The following PLD1 variants were observed in gnomAD, a reference collection of about 807,000 sequenced individuals.
PLD1 encodes the protein choline phosphatase 1.
Under a neutral mutation model 137.1 loss-of-function variants are expected in PLD1, and 112 were observed. That is an observed-to-expected ratio of 0.82 (90% CI 0.70 to 0.96). The LOEUF is 0.96. Among genes scored for constraint, PLD1 ranks in the 40% least tolerant of loss-of-function variants. The probability of loss-of-function intolerance (pLI) is 0.00; values close to 1 mark genes in which losing one functional copy is unlikely to be tolerated. For synonymous variants in PLD1, 431 were observed against 454.7 expected (o/e 0.95, Z 0.66); for missense variants, 1,321 against 1,342.0 (o/e 0.98, Z 0.24).
rs769597328 is a variant in PLD1, at chr3:171,724,785, T to C, written c.669A>G (p.Glu223=). The C allele has an allele frequency of 6.3e-7, 1 of 1,596,818 alleles. No individual in the cohort carries two copies. The highest frequency in any genetic ancestry group is 8.6e-7 in the Non-Finnish European group (1 of 1,166,624). Residue 223 remains glutamate (E), a synonymous_variant, in exon 8 of 27, where the codon GAA becomes GAG. Coordinates refer to ENST00000351298, the MANE Select transcript of PLD1 (RefSeq NM_002662.5). The part of the protein sequence containing the change: ...FIHDLGPKGI[E]GMIMKRSGGH... ...CTCCAGATCTTTTCATTATCATACC[T>C]TCTCTGAAAGAGACAGAAAATTAAC...
At chr3:171,718,839 A>G (rs1358653066) in intron 8 of PLD1, among the ~76,000 whole-genome samples, 1 of 152,228 alleles carries the variant, frequency 6.6e-6, no homozygotes. Context: ...TAAAGAATTA[A>G]CTGAGATAAC....
At chr3:171,703,419 T>C (rs1716410593) in intron 11 of PLD1, among the ~76,000 whole-genome samples, 1 of 152,112 alleles carries the variant, frequency 6.6e-6, no homozygotes, top group African/African-American at 2.4e-5. Context: ...GATCACATAA[T>C]CATCTATAGG....
chr3:171,780,019 C>T (rs553303660), intron 1 of PLD1, among the ~76,000 whole-genome samples: 10 of 150,942 alleles, frequency 6.6e-5, no homozygotes, highest in African/African-American at 9.7e-5. Flanking sequence ...AGATTCAGGA[C>T]GGGGGTTTAT....
intron 1 of PLD1, chr3:171,789,228 C>T (rs1723128115): frequency 6.6e-6 from 1 of 152,260 alleles, no homozygotes; most frequent in South Asian, 2.1e-4. Context: ...GAGAAAAGCA[C>T]ATGGCACGTT....
rs561225171 is a variant in PLD1 at position 171,600,913 on chromosome 3, G to C, written c.*2165C>G. On this transcript the variant is annotated 3_prime_UTR_variant, in exon 27 of 27. Coordinates refer to ENST00000351298, the MANE Select transcript of PLD1 (RefSeq NM_002662.5). ...CTCCTATGTGCCAAGCACTGGTCCA[G>C]GCTCTGGGGATACACTATGAACAAA... The C allele has an allele frequency of 1.3e-5, 2 of 152,184 alleles. No individual in the cohort carries two copies. The highest frequency in any genetic ancestry group is 2.9e-5 in the Non-Finnish European group (2 of 68,040). The allele number at this position is 152,184 out of a possible 1,614,324, so 9.4% of individuals were successfully genotyped here.
intron 1 of PLD1, among the ~76,000 whole-genome samples, chr3:171,770,267 A>G (rs573968066): frequency 1.4e-3 from 207 of 152,356 alleles, no homozygotes; most frequent in Non-Finnish European, 2.2e-3. Flanking sequence ...AAAACTGAAG[A>G]CAAAATTCAA....
chr3:171,733,547 C>A, intron 5 of PLD1, 38 bp from the exon 6 acceptor site: 1 of 777,212 alleles, frequency 1.3e-6, no homozygotes, highest in South Asian at 1.5e-5. Flanking sequence ...TTAACATGGT[C>A]ATATTTATTT....
chr3:171,704,457 G>GAAAAAAAAAAAAAA (rs1362665761), intron 11 of PLD1, among the ~76,000 whole-genome samples: 4 of 98,180 alleles, frequency 4.1e-5, no homozygotes, highest in African/African-American at 1.4e-4. Context: ...CAAAGAACCA[G>GAAAAAAAAAAAAAA]GAAAAAAAAA....
intron 11 of PLD1, among the ~76,000 whole-genome samples, chr3:171,700,466 G>C (rs1214569230): frequency 6.6e-6 from 1 of 152,136 alleles, no homozygotes; most frequent in Non-Finnish European, 1.5e-5. Context: ...ATGGGAGTAT[G>C]ATGCTTACAG....
In PLD1 at chr3:171,764,861, A is replaced by AAG. The variant is rs1275129853; in HGVS notation, c.-31-26781_-31-26780dup. Reference sequence around the variant, plus strand: ...AAAGAAAGAAAGAAAGAAAGAAAGAAAGAAAGAAAGAAAGAAAGAAAGAAA... The same window carrying AAG: ...AAAGAAAGAAAGAAAGAAAGAAAGAAAGAGAAAGAAAGAAAGAAAGAAAGAAA... On this transcript the variant is annotated intron_variant, in intron 1 of 26. Coordinates refer to ENST00000351298, the MANE Select transcript of PLD1 (RefSeq NM_002662.5). Among the ~76,000 whole-genome samples, 78 of 25,620 alleles carry AAG rather than the reference A, an allele frequency of 3.0e-3. 11 individuals are homozygous for AAG. The highest frequency in any genetic ancestry group is 5.1e-3 in the South Asian group (7 of 1,376). 16.8% of individuals were successfully genotyped at this position (25,620 alleles called of 152,430 possible).
At chr3:171,652,011 G>A (rs777396462) in intron 21 of PLD1, among the ~76,000 whole-genome samples, 1 of 152,108 alleles carries the variant, frequency 6.6e-6, no homozygotes, top group East Asian at 1.9e-4. Context: ...CTCCTGCCAC[G>A]ATCTGTTGTC....
intron 19 of PLD1, among the ~76,000 whole-genome samples, chr3:171,669,128 A>G (rs1712468513): frequency 6.6e-6 from 1 of 152,174 alleles, no homozygotes; most frequent in South Asian, 2.1e-4. Context: ...GTGGGCAGGC[A>G]TCCATACTGC....
intron 19 of PLD1, among the ~76,000 whole-genome samples, chr3:171,665,869 T>A (rs936019553): frequency 6.6e-6 from 1 of 152,180 alleles, no homozygotes; most frequent in Non-Finnish European, 1.5e-5. Flanking sequence ...AAGCCCCGTA[T>A]CCTTTACTTA....
chr3:171,612,214 G>T lies in PLD1; in HGVS notation c.2882+65C>A. On this transcript the variant is annotated intron_variant, in intron 25 of 26. Transcript: ENST00000351298. The surrounding 1 kb of genome is among the most constrained non-coding windows in gnomAD (Gnocchi z 4.1). ...GATGACCCATGTGCTCAGGGCTAGCGGGGCTGGGTCCCAGCGACTGCTGCA... is the reference window on the plus strand; with the variant it reads ...GATGACCCATGTGCTCAGGGCTAGCTGGGCTGGGTCCCAGCGACTGCTGCA... The T allele has an allele frequency of 6.7e-7, 1 of 1,497,650 alleles. No homozygotes were observed. The highest frequency in any genetic ancestry group is 9.2e-7 in the Non-Finnish European group (1 of 1,082,898). The allele number at this position is 1,497,650 out of a possible 1,614,324, so 92.8% of individuals were successfully genotyped here. A position where few individuals can be genotyped will look rare whatever the true frequency, so the allele number is the denominator to read the frequency against.
chr3:171,603,474 G>C (rs1214247825), intron 26 of PLD1, among the ~76,000 whole-genome samples, 172 bp from the exon 27 acceptor site: 1 of 152,160 alleles, frequency 6.6e-6, no homozygotes, highest in East Asian at 1.9e-4. Flanking sequence ...ACCAACAATA[G>C]ATAGATCTGC....
intron 20 of PLD1, among the ~76,000 whole-genome samples, chr3:171,661,460 T>G (rs761811836): frequency 9.2e-5 from 14 of 152,198 alleles, no homozygotes; most frequent in Admixed American, 2.0e-4. Context: ...GAAGAGTAAT[T>G]TAAGTTCCCA....
In PLD1 at chr3:171,709,703, A is replaced by G. The variant is rs1269216820; in HGVS notation, c.918T>C (p.Leu306=). 1 of 1,611,514 alleles carries G rather than the reference A, an allele frequency of 6.2e-7. No homozygotes were observed. Among genetic ancestry groups the G allele is most frequent in the East Asian group, 2.2e-5 (1 of 44,852 alleles). Residue 306 remains leucine (L), a synonymous_variant, in exon 10 of 27, where the codon CTT becomes CTC. Coordinates refer to ENST00000351298, the MANE Select transcript of PLD1 (RefSeq NM_002662.5). ...GTCTATAGCTGTTGCATTTTAAAAT[A>G]AGTGTCCTTTAAAGAAAAAGCCAAA... is the stretch of plus-strand genomic sequence containing the variant. ...GIRIDNLSRT[L]ILKCNSYRHA...
chr3:171,700,823 T>C (rs557616734), intron 11 of PLD1, among the ~76,000 whole-genome samples: 10 of 152,318 alleles, frequency 6.6e-5, no homozygotes, highest in Admixed American at 3.9e-4. Flanking sequence ...ACAAGGCAGC[T>C]AAGAGTACAA....
At chr3:171,748,469 T>C (rs1260429086) in intron 1 of PLD1, among the ~76,000 whole-genome samples, 1 of 152,174 alleles carries the variant, frequency 6.6e-6, no homozygotes, top group African/African-American at 2.4e-5. Flanking sequence ...AAGCAACCTC[T>C]GTTGGTGTGA....
Sources: gnomAD v4.1 joint callset for allele counts (sites outside exome capture counted in the v4.1 genomes callset) on GRCh38, gnomAD v4.1.1 for gene constraint, Gnocchi (gnomAD v3.1) non-coding constraint, MANE v1.5 for transcripts, NCBI Gene and HGNC (gene_info 2026-07-23, HGNC 2026-07-21) for gene names.